Variants in C8orf34 observed in about 807,000 individuals in gnomAD.
C8orf34 encodes uncharacterized protein C8orf34.
Under a neutral mutation model 68.3 loss-of-function variants are expected in C8orf34, and 65 were observed. The observed-to-expected ratio is 0.95, with a 90% confidence interval of 0.78 to 1.17. C8orf34 has a LOEUF of 1.17. C8orf34 is among the 50% of genes most tolerant of loss of function. C8orf34 has a pLI of 0.00. For synonymous variants in C8orf34, 244 were observed against 241.2 expected (o/e 1.01, Z -0.11); for missense variants, 664 against 655.4 (o/e 1.01, Z -0.14).
At chr8:68,647,811 T>C (rs1819224309) in intron 8 of C8orf34, among the ~76,000 whole-genome samples, 1 of 152,232 alleles carries the variant, frequency 6.6e-6, no homozygotes, top group South Asian at 2.1e-4. Flanking sequence ...CTTGTGTTTT[T>C]AAGCTGGAAA....
chr8:68,410,969 G>T (rs535768084), intron 1 of C8orf34, among the ~76,000 whole-genome samples: 30 of 152,282 alleles, frequency 2.0e-4, no homozygotes, highest in Non-Finnish European at 3.8e-4. Context: ...AGTAAGAATA[G>T]AACTAATTTT....
chr8:68,746,878 AT>A, intron 10 of C8orf34, among the ~76,000 whole-genome samples: 1 of 152,072 alleles, frequency 6.6e-6, no homozygotes. Context: ...TCCCTAACTC[AT>A]TTTATGAGGC....
At chr8:68,625,580 GA>G (rs1174205603) in intron 7 of C8orf34, 2 of 701,012 alleles carry the variant, frequency 2.9e-6, no homozygotes, top group Admixed American at 2.0e-5. Flanking sequence ...ACACAGAATG[GA>G]AAATGGATTT....
At chr8:68,609,603 T>A (rs1219911087) in intron 7 of C8orf34, among the ~76,000 whole-genome samples, 2 of 152,084 alleles carry the variant, frequency 1.3e-5, no homozygotes, top group Non-Finnish European at 2.9e-5. Flanking sequence ...ATTTGGTAAA[T>A]TACTAGCTCT....
intron 3 of C8orf34, among the ~76,000 whole-genome samples, chr8:68,462,036 C>G (rs1483850502): frequency 6.6e-6 from 1 of 152,130 alleles, no homozygotes; most frequent in Non-Finnish European, 1.5e-5. Context: ...GTGCTGTATT[C>G]AGGAAACCCA....
intron 1 of C8orf34, among the ~76,000 whole-genome samples, chr8:68,423,735 A>G (rs1810084909): frequency 6.6e-6 from 1 of 152,092 alleles, no homozygotes; most frequent in Admixed American, 6.6e-5. Context: ...ATGAAGAAAT[A>G]CCCAAGACTG....
intron 1 of C8orf34, among the ~76,000 whole-genome samples, chr8:68,419,468 C>T (rs1296576809): frequency 1.0e-3 from 154 of 151,384 alleles, no homozygotes; most frequent in African/African-American, 3.5e-3. Flanking sequence ...CCCAGCCATC[C>T]CATTACTGGG....
chr8:68,392,745 C>A (rs1808526037), intron 1 of C8orf34, among the ~76,000 whole-genome samples: 1 of 152,022 alleles, frequency 6.6e-6, no homozygotes. Flanking sequence ...TCAATCTATT[C>A]TTGGTTTGAA....
intron 3 of C8orf34, among the ~76,000 whole-genome samples, chr8:68,455,971 C>T (rs754798589): frequency 7.9e-5 from 12 of 151,594 alleles, no homozygotes; most frequent in South Asian, 4.2e-4. Flanking sequence ...TCTAGCCGGG[C>T]GTGGTGGCTC....
chr8:68,461,136 T>G (rs1811801742), intron 3 of C8orf34, among the ~76,000 whole-genome samples: 2 of 152,012 alleles, frequency 1.3e-5, no homozygotes, highest in Admixed American at 6.5e-5. Flanking sequence ...GAGAACTACG[T>G]GAAGAATGCA....
intron 7 of C8orf34, among the ~76,000 whole-genome samples, chr8:68,606,726 T>G (rs1026857367): frequency 2.0e-5 from 3 of 152,062 alleles, no homozygotes; most frequent in East Asian, 1.9e-4. Flanking sequence ...GGATTTTTTT[T>G]TGTGGAATGG....
chr8:68,335,903 A>G (rs1805827965), intron 1 of C8orf34, among the ~76,000 whole-genome samples: 1 of 152,104 alleles, frequency 6.6e-6, no homozygotes, highest in African/African-American at 2.4e-5. Flanking sequence ...CCTGGCCAAC[A>G]CAGTGAAACC....
chr8:68,395,742 G>T (rs1808678109), intron 1 of C8orf34, among the ~76,000 whole-genome samples: 1 of 152,042 alleles, frequency 6.6e-6, no homozygotes. Context: ...ACAACTAGAA[G>T]GCAGTCAAGG....
At chr8:68,507,209 C>A (rs1814063530) in intron 5 of C8orf34, among the ~76,000 whole-genome samples, 1 of 152,130 alleles carries the variant, frequency 6.6e-6, no homozygotes, top group Admixed American at 6.5e-5. Context: ...AATTTGCTAT[C>A]TGTTTTAAAA....
At chr8:68,653,700 C>A (rs918179746) in intron 8 of C8orf34, among the ~76,000 whole-genome samples, 1 of 152,198 alleles carries the variant, frequency 6.6e-6, no homozygotes, top group Middle Eastern at 3.4e-3. Flanking sequence ...GTACTAATTG[C>A]GTTCATGAGG....
chr8:68,524,369 A>G (rs1424542498), intron 6 of C8orf34, among the ~76,000 whole-genome samples: 1 of 152,204 alleles, frequency 6.6e-6, no homozygotes, highest in African/African-American at 2.4e-5. Flanking sequence ...TAAGTATGTT[A>G]CAAATAGTTT....
Position 68,331,018 on chromosome 8 carries a change from T to C in C8orf34, c.6T>C (p.Ser2=). M[S]SPLASELSEL... is the part of the protein sequence containing the mutation. ...CGAGGCGGAGAACGCGATGAATGAG[T>C]TCTCCCCTCGCCTCGGAGTTGTCTG... Residue 2 remains serine (S), a synonymous_variant, in exon 1 of 14, where the codon AGT becomes AGC. Coordinates refer to ENST00000518698, the MANE Select transcript of C8orf34 (RefSeq NM_052958.4). The C allele has an allele frequency of 6.9e-7, 1 of 1,440,088 alleles. No individual in the cohort carries two copies. Among genetic ancestry groups the C allele is most frequent in the Non-Finnish European group, 9.0e-7 (1 of 1,109,812 alleles). 89.2% of individuals were successfully genotyped at this position (1,440,088 alleles called of 1,614,324 possible).
intron 7 of C8orf34, among the ~76,000 whole-genome samples, chr8:68,554,398 A>C (rs947033209): frequency 4.6e-5 from 7 of 152,136 alleles, no homozygotes; most frequent in African/African-American, 1.7e-4. Context: ...TTTAGCTATT[A>C]TGGAATTAAC....
At chr8:68,629,893 G>A (rs567666861) in intron 7 of C8orf34, among the ~76,000 whole-genome samples, 1 of 151,946 alleles carries the variant, frequency 6.6e-6, no homozygotes, top group East Asian at 1.9e-4. Flanking sequence ...GTAATGATAA[G>A]GGCTTTAGAA....
Sources: allele counts gnomAD v4.1 joint callset (sites outside exome capture counted in the v4.1 genomes callset), GRCh38; gene constraint gnomAD v4.1.1; transcripts MANE v1.5; gene names NCBI Gene and HGNC (gene_info 2026-07-23, HGNC 2026-07-21).